ARHGEF38: variants seen among roughly 807,000 people sequenced by gnomAD.
The protein encoded by ARHGEF38 is Rho guanine nucleotide exchange factor (GEF) 38.
A neutral mutation model predicts 79.9 loss-of-function variants in ARHGEF38; 79 were observed. The ratio of observed to expected loss-of-function variants is 0.99; its 90% CI spans 0.82 to 1.19. The LOEUF (loss-of-function observed/expected upper bound fraction) is 1.19, where lower values mean the gene tolerates loss of function less well. Ranked by LOEUF, ARHGEF38 falls within the 50% of genes most tolerant of loss-of-function variation. The pLI is 0.00. For synonymous variants in ARHGEF38, 366 were observed against 328.3 expected, an observed-to-expected ratio of 1.11 and a Z score of -1.24; for missense variants, 962 against 907.2, an observed-to-expected ratio of 1.06 and a Z score of -0.78.
downstream of ARHGEF38, among the ~76,000 whole-genome samples, chr4:105,681,575 TACA>T (rs1472856365): frequency 5.3e-5 from 8 of 152,210 alleles, no homozygotes; most frequent in Non-Finnish European, 1.0e-4. Flanking sequence ...AATATACATG[TACA>T]ACAATTGCTG....
chr4:105,668,692 AGATAGATAGATAGAT>A (rs916494667), intron 13 of ARHGEF38, among the ~76,000 whole-genome samples: 2 of 151,824 alleles, frequency 1.3e-5, no homozygotes, highest in African/African-American at 4.9e-5. Flanking sequence ...ATAGATAGAT[AGATAGATAGATAGAT>A]GATAGATAGA....
intron 2 of ARHGEF38, among the ~76,000 whole-genome samples, chr4:105,607,795 G>A (rs1044822034): frequency 6.6e-6 from 1 of 151,938 alleles, no homozygotes; most frequent in African/African-American, 2.4e-5. Context: ...ACAGTTTGTC[G>A]GCTTATGGAA....
intron 1 of ARHGEF38, among the ~76,000 whole-genome samples, chr4:105,585,731 T>C (rs1252224984): frequency 8.2e-6 from 1 of 122,004 alleles, no homozygotes; most frequent in African/African-American, 3.1e-5. Context: ...CGTTGCTTTT[T>C]TTTTTTTTTT....
chr4:105,624,019 G>A (rs1294492341), intron 3 of ARHGEF38, among the ~76,000 whole-genome samples: 1 of 152,098 alleles, frequency 6.6e-6, no homozygotes, highest in African/African-American at 2.4e-5. Context: ...GATCACGACA[G>A]GTTCCCATCC....
In ARHGEF38 at chr4:105,602,606, C is replaced by T. The variant is rs17035918; in HGVS notation, c.385-10778C>T. Among the ~76,000 whole-genome samples the T allele has an allele frequency of 2.7e-3, 413 of 152,116 alleles. 3 individuals are homozygous for T. Among genetic ancestry groups the T allele is most frequent in the African/African-American group, 9.5e-3 (396 of 41,524 alleles). On this transcript the variant is annotated intron_variant, in intron 2 of 13. Coordinates refer to ENST00000420470, the MANE Select transcript of ARHGEF38 (RefSeq NM_001242729.2). The stretch of plus-strand genomic sequence containing the variant: ...GGTTAGGGATGACAGAGGGGAGAGC[C>T]TGCATTGACCCTAAGGTCTAGAGTC...
chr4:105,571,321 C>CTT (rs34707064), intron 1 of ARHGEF38, among the ~76,000 whole-genome samples: 5 of 89,750 alleles, frequency 5.6e-5, no homozygotes, highest in African/African-American at 8.3e-5. Context: ...TTTTCTTTTT[C>CTT]TTTTTTTTTT....
At chr4:105,555,253 G>A (rs1279872808) in intron 1 of ARHGEF38, among the ~76,000 whole-genome samples, 2 of 152,032 alleles carry the variant, frequency 1.3e-5, no homozygotes, top group Non-Finnish European at 2.9e-5. Flanking sequence ...GAAGTATAGA[G>A]GAGCACATAA....
intron 5 of ARHGEF38, among the ~76,000 whole-genome samples, chr4:105,642,568 C>T (rs1729664923): frequency 6.6e-6 from 1 of 151,936 alleles, no homozygotes; most frequent in South Asian, 2.1e-4. Flanking sequence ...AGTTAAAGTT[C>T]TTAACATTTT....
At chr4:105,553,536 A>G (rs1725104505) in intron 1 of ARHGEF38, among the ~76,000 whole-genome samples, 2 of 152,238 alleles carry the variant, frequency 1.3e-5, no homozygotes, top group Non-Finnish European at 2.9e-5. Flanking sequence ...ATAATACTCA[A>G]ATATGGTAAG....
chr4:105,589,442 A>G lies in ARHGEF38; in HGVS notation c.384+7A>G. 1.3e-6 allele frequency: 2 copies of G among 1,597,166 alleles called. No individual in the cohort carries two copies. The highest frequency in any genetic ancestry group is 1.7e-6 in the Non-Finnish European group (2 of 1,174,358). On this transcript the variant is annotated splice_region_variant and intron_variant, in intron 2 of 13. Coordinates refer to ENST00000420470, the MANE Select transcript of ARHGEF38 (RefSeq NM_001242729.2). ...GCCCCTGAGAAATAAAAAGGTAAAT[A>G]TATATTTGAGATTTTTTTTTCTCTC...
At position 105,659,333 on chromosome 4, in the gene ARHGEF38, G is replaced by A. The variant is rs978168295; in HGVS notation, c.1513G>A (p.Val505Met). ...TACCCTCCTTAGGGACCTGATGCTC[G>A]TGGCACAGCAGGCTTACTCCACACT... ...FITLLRDLML[V>M]AQQAYSTLVP... The change falls in exon 10 of 14, where the codon GTG (valine) becomes ATG (methionine). Residue 505 changes from valine (V) to methionine (M), a missense_variant. By Grantham distance (21) the Val-to-Met change is conservative (BLOSUM62 1). Transcript: ENST00000420470. The A allele has an allele frequency of 2.0e-5, 30 of 1,535,322 alleles. No homozygotes were observed. Among genetic ancestry groups the A allele is most frequent in the Non-Finnish European group, 2.2e-5 (25 of 1,146,824 alleles).
Position 105,679,597 on chromosome 4 carries a change from G to A in ARHGEF38, c.*1660G>A. 1 of 909,584 alleles carries A rather than the reference G, an allele frequency of 1.1e-6. No individual in the cohort carries two copies. Among genetic ancestry groups the A allele is most frequent in the South Asian group, 1.3e-5 (1 of 76,732 alleles). 56.3% of individuals were successfully genotyped at this position (909,584 alleles called of 1,614,324 possible). A position where few individuals can be genotyped will look rare whatever the true frequency, so the allele number is the denominator to read the frequency against. ...TCTTCTATCAGTATCTGAGCTGATG[G>A]TTGGAAAAAAATCAACAGCAGCATA... On this transcript the variant is annotated 3_prime_UTR_variant, in exon 14 of 14. Coordinates refer to ENST00000420470, the MANE Select transcript of ARHGEF38 (RefSeq NM_001242729.2).
At chr4:105,606,654 TG>T (rs1169960007) in intron 2 of ARHGEF38, among the ~76,000 whole-genome samples, 2 of 152,112 alleles carry the variant, frequency 1.3e-5, no homozygotes, top group African/African-American at 4.8e-5. Flanking sequence ...CAAAAATTTA[TG>T]AATGGTTAAG....
At chr4:105,593,715 T>C (rs1030907590) in intron 2 of ARHGEF38, among the ~76,000 whole-genome samples, 8 of 152,328 alleles carry the variant, frequency 5.3e-5, no homozygotes, top group Admixed American at 2.6e-4. Flanking sequence ...ATGAATGTCA[T>C]TGATAGCTGT....
chr4:105,657,051 T>TGATAGATA (rs150437901), intron 9 of ARHGEF38, among the ~76,000 whole-genome samples: 37 of 151,194 alleles, frequency 2.4e-4, no homozygotes, highest in Non-Finnish European at 4.1e-4. Context: ...GATAGATAGA[T>TGATAGATA]GATAGATAGA....
chr4:105,662,940 G>T (rs1360357502), intron 10 of ARHGEF38, among the ~76,000 whole-genome samples: 1 of 152,152 alleles, frequency 6.6e-6, no homozygotes, highest in Non-Finnish European at 1.5e-5. Flanking sequence ...TTGTTTTTGA[G>T]AAATTTCTAG....
intron 4 of ARHGEF38, among the ~76,000 whole-genome samples, chr4:105,634,102 G>A (rs888517831): frequency 2.0e-5 from 3 of 152,058 alleles, no homozygotes; most frequent in African/African-American, 7.2e-5. Flanking sequence ...CCTATGCTCT[G>A]CCTCAGACCA....
rs1727609926 is a variant in ARHGEF38 at position 105,596,974 on chromosome 4, T to C, written c.384+7539T>C. Among the ~76,000 whole-genome samples the C allele has an allele frequency of 1.3e-5, 2 of 152,222 alleles. 1 individual carries two copies. The highest frequency in any genetic ancestry group is 4.1e-4 in the South Asian group (2 of 4,824). ...CTAAATTTTAGTGTCACTGCCTAGA[T>C]GCACTCTCTGAGATGACCCTCAGTT... is the stretch of plus-strand genomic sequence containing the variant. On this transcript the variant is annotated intron_variant, in intron 2 of 13. Transcript: ENST00000420470.
chr4:105,619,730 C>T (rs930841579), intron 3 of ARHGEF38, among the ~76,000 whole-genome samples: 9 of 152,096 alleles, frequency 5.9e-5, no homozygotes, highest in Non-Finnish European at 8.8e-5. Context: ...AGCAGCAGCC[C>T]TATGTGACTG....
Sources: gnomAD v4.1 joint callset for allele counts (sites outside exome capture counted in the v4.1 genomes callset) on GRCh38, gnomAD v4.1.1 for gene constraint, MANE v1.5 for transcripts, NCBI Gene and HGNC (gene_info 2026-07-23, HGNC 2026-07-21) for gene names.